The following SIAH2 variants were observed in gnomAD, a reference collection of about 807,000 sequenced individuals.
SIAH2 encodes the protein E3 ubiquitin-protein ligase SIAH2.
In SIAH2, 4 loss-of-function variants were observed where a neutral mutation model predicts 20.4. The ratio of observed to expected loss-of-function variants is 0.20; its 90% CI spans 0.10 to 0.45. SIAH2 has a LOEUF of 0.45. SIAH2 is among the 20% of genes least tolerant of loss of function. SIAH2 has a pLI of 0.99. For synonymous variants in SIAH2, 171 were observed against 192.5 expected, an observed-to-expected ratio of 0.89 and a Z score of 0.93; for missense variants, 259 against 440.3, an observed-to-expected ratio of 0.59 and a Z score of 3.69.
At position 150,751,819 on chromosome 3, in the gene SIAH2, G is replaced by A. The variant is rs563803658; in HGVS notation, c.418-9121C>T. On this transcript the variant is annotated intron_variant, in intron 1 of 1. Transcript: ENST00000312960. ...CGTGATCCTCCCATGTCAGCCTCTC[G>A]AAGTGTTGGGATTATAGGCATGAGC... Among the ~76,000 whole-genome samples, 7 of 152,174 alleles carry A rather than the reference G, an allele frequency of 4.6e-5. No individual in the cohort carries two copies. The East Asian group carries it at 7.7e-4, about 17-fold the overall frequency.
chr3:150,744,599 T>C (rs1473418663), intron 1 of SIAH2, among the ~76,000 whole-genome samples: 2 of 152,120 alleles, frequency 1.3e-5, no homozygotes, highest in Non-Finnish European at 1.5e-5. Flanking sequence ...GAGTGATGGG[T>C]GAGACATTTC....
chr3:150,752,033 G>C (rs1245841895), intron 1 of SIAH2, among the ~76,000 whole-genome samples: 1 of 152,156 alleles, frequency 6.6e-6, no homozygotes, highest in Non-Finnish European at 1.5e-5. Context: ...AGAGTTAGCA[G>C]GTAACCACAC....
In SIAH2 at chr3:150,745,240, T is replaced by TACACACACACACACACACAC. The variant is rs5853495; in HGVS notation, c.418-2562_418-2543dup. Among the ~76,000 whole-genome samples the TACACACACACACACACACAC allele has an allele frequency of 7.8e-5, 11 of 140,672 alleles. No individual in the cohort carries two copies. In the East Asian group the frequency reaches 1.3e-3, roughly 16 times the overall value. 92.3% of individuals were successfully genotyped at this position (140,672 alleles called of 152,430 possible). A position where few individuals can be genotyped will look rare whatever the true frequency, so the allele number is the denominator to read the frequency against. On this transcript the variant is annotated intron_variant, in intron 1 of 1. Transcript: ENST00000312960. ...GACTAAAGTCTAAATTTTAACCCCC[T>TACACACACACACACACACAC]ACACACACACACACACACACACACA...
intron 1 of SIAH2, among the ~76,000 whole-genome samples, chr3:150,750,856 T>A (rs1714341463): frequency 6.6e-6 from 1 of 152,194 alleles, no homozygotes; most frequent in Non-Finnish European, 1.5e-5. Flanking sequence ...GGAACTCAAG[T>A]AGCCAGTGTC....
At chr3:150,751,222 A>T (rs1714351921) in intron 1 of SIAH2, among the ~76,000 whole-genome samples, 1 of 152,140 alleles carries the variant, frequency 6.6e-6, no homozygotes, top group Non-Finnish European at 1.5e-5. Context: ...CCCTGAGCTC[A>T]GGAGTTCGAG....
rs1015165612 is a variant in SIAH2, at chr3:150,763,021, T to G, written c.-172A>C. 1.6e-6 allele frequency: 1 copy of G among 640,298 alleles called. No homozygotes were observed. 39.7% of individuals were successfully genotyped at this position (640,298 alleles called of 1,614,324 possible). On this transcript the variant is annotated 5_prime_UTR_variant, in exon 1 of 2. Coordinates refer to ENST00000312960, the MANE Select transcript of SIAH2 (RefSeq NM_005067.7). The surrounding 1 kb of genome is among the most constrained non-coding windows in gnomAD (Gnocchi z 4.1). ...CGGCAGGCGGAGGGCTGGACCGCGC[T>G]GATGCACTCCGCAGCCCCCGGCGTT...
chr3:150,746,560 GC>G (rs1226427591), intron 1 of SIAH2, among the ~76,000 whole-genome samples: 1 of 152,174 alleles, frequency 6.6e-6, no homozygotes, highest in Non-Finnish European at 1.5e-5. Context: ...AGGATGTTTA[GC>G]AGCATCCGTG....
intron 1 of SIAH2, among the ~76,000 whole-genome samples, chr3:150,750,046 C>G (rs1037180936): frequency 2.0e-5 from 3 of 152,172 alleles, no homozygotes; most frequent in Non-Finnish European, 4.4e-5. Flanking sequence ...GGATGAATTT[C>G]TGACAGTATA....
Position 150,762,128 on chromosome 3 carries a change from C to A in SIAH2, c.417+305G>T. 1 of 382,014 alleles carries A rather than the reference C, an allele frequency of 2.6e-6. No homozygotes were observed. Among genetic ancestry groups the A allele is most frequent in the Non-Finnish European group, 4.7e-6 (1 of 211,030 alleles). 23.7% of individuals were successfully genotyped at this position (382,014 alleles called of 1,614,324 possible). A position where few individuals can be genotyped will look rare whatever the true frequency, so the allele number is the denominator to read the frequency against. ...TTTTACTGGTGCGGCCCAGCCCTAC[C>A]GAGAGTACCCGAATACACGTCTGCA... On this transcript the variant is annotated intron_variant, in intron 1 of 1. Transcript: ENST00000312960. The surrounding 1 kb of genome is among the most constrained non-coding windows in gnomAD (Gnocchi z 6.6).
At chr3:150,745,944 C>CT (rs1466136960) in intron 1 of SIAH2, among the ~76,000 whole-genome samples, 2 of 152,148 alleles carry the variant, frequency 1.3e-5, no homozygotes, top group African/African-American at 4.8e-5. Context: ...AATTTAACAA[C>CT]TATGTAAAGG....
At chr3:150,745,538 C>G (rs1714193074) in intron 1 of SIAH2, among the ~76,000 whole-genome samples, 1 of 151,782 alleles carries the variant, frequency 6.6e-6, no homozygotes, top group African/African-American at 2.4e-5. Context: ...CTCTGTCACC[C>G]AAGCTGGAGT....
At chr3:150,748,236 G>T (rs190862007) in intron 1 of SIAH2, among the ~76,000 whole-genome samples, 22 of 152,132 alleles carry the variant, frequency 1.4e-4, no homozygotes, top group Non-Finnish European at 2.1e-4. Context: ...TTTAGGCAGG[G>T]TTTTTCCCTT....
intron 1 of SIAH2, among the ~76,000 whole-genome samples, chr3:150,751,387 G>A (rs1714359407): frequency 1.3e-5 from 2 of 151,662 alleles, no homozygotes; most frequent in Admixed American, 1.3e-4. Context: ...TTACGCCACT[G>A]AACTCCAGCC....
chr3:150,760,174 C>T (rs1714572841), intron 1 of SIAH2, among the ~76,000 whole-genome samples: 1 of 152,144 alleles, frequency 6.6e-6, no homozygotes, highest in African/African-American at 2.4e-5. Context: ...TTGGTTTATC[C>T]AGACTAACTG....
At chr3:150,754,243 C>G (rs946175639) in intron 1 of SIAH2, among the ~76,000 whole-genome samples, 8 of 152,168 alleles carry the variant, frequency 5.3e-5, no homozygotes, top group African/African-American at 1.9e-4. Flanking sequence ...GCAAGCTGTA[C>G]AGGAAGCATA....
rs113740140 is a variant in SIAH2, at chr3:150,743,162, G to A, written c.418-464C>T. Among the ~76,000 whole-genome samples, 1,145 of 152,292 alleles carry A rather than the reference G, an allele frequency of 7.5e-3. 17 individuals are homozygous for A. The highest frequency in any genetic ancestry group is 0.026 in the African/African-American group (1,081 of 41,562). ...ATATTAACAACAGTATAATTCTGTCGTCCCCCTCCACTGCTTTCTGGCTCA... is the reference window on the plus strand; with the variant it reads ...ATATTAACAACAGTATAATTCTGTCATCCCCCTCCACTGCTTTCTGGCTCA... On this transcript the variant is annotated intron_variant, in intron 1 of 1. Coordinates refer to ENST00000312960, the MANE Select transcript of SIAH2 (RefSeq NM_005067.7).
In SIAH2 at chr3:150,742,053, A is replaced by G. The variant is rs1423935622; in HGVS notation, c.*88T>C. The G allele has an allele frequency of 7.8e-7, 1 of 1,276,680 alleles. No individual in the cohort carries two copies. The highest frequency in any genetic ancestry group is 2.4e-5 in the East Asian group (1 of 41,276). The allele number at this position is 1,276,680 out of a possible 1,614,324, so 79.1% of individuals were successfully genotyped here. A position where few individuals can be genotyped will look rare whatever the true frequency, so the allele number is the denominator to read the frequency against. On this transcript the variant is annotated 3_prime_UTR_variant, in exon 2 of 2. Transcript: ENST00000312960. This position sits in a 1 kb window ranked among gnomAD's most constrained non-coding sequence, Gnocchi z 4.8. ...GGGTAATTGTGGGTCCTGACTTGTG[A>G]AGACATATGGAATAAAACATCTATA...
In SIAH2 at chr3:150,762,784, C is replaced by G. The variant is rs1273917740; in HGVS notation, c.66G>C (p.Gln22His). 2.5e-6 allele frequency: 3 copies of G among 1,216,208 alleles called. No individual in the cohort carries two copies. Among genetic ancestry groups the G allele is most frequent in the East Asian group, 3.7e-5 (1 of 27,374 alleles). The allele number at this position is 1,216,208 out of a possible 1,614,324, so 75.3% of individuals were successfully genotyped here. ...CAGCCGGGGACGGAGTGTGCTGGGG[C>G]TGCGGCGGCGGCTGCTTGCTGCAGG... The part of the protein sequence containing the change: ...NKPCSKQPPP[Q>H]PQHTPSPAAP... The change falls in exon 1 of 2, where the codon CAG becomes CAC. Residue 22 changes from glutamine to histidine, a missense_variant. Gln to His is a conservative substitution (Grantham distance 24). This residue lies in a region of SIAH2 where 99 missense variants were observed against 112.7 expected (regional missense o/e 0.88). Transcript: ENST00000312960. The surrounding 1 kb of genome is among the most constrained non-coding windows in gnomAD (Gnocchi z 6.6).
At chr3:150,749,728 G>C (rs1243191524) in intron 1 of SIAH2, among the ~76,000 whole-genome samples, 2 of 152,198 alleles carry the variant, frequency 1.3e-5, no homozygotes, top group Non-Finnish European at 2.9e-5. Context: ...TGAGACTGTA[G>C]TGAACCAATA....
Sources: allele counts gnomAD v4.1 joint callset (sites outside exome capture counted in the v4.1 genomes callset), GRCh38; gene constraint gnomAD v4.1.1; regional missense constraint gnomAD v4.1.1; non-coding constraint Gnocchi (gnomAD v3.1); transcripts MANE v1.5; gene names NCBI Gene and HGNC (gene_info 2026-07-23, HGNC 2026-07-21).